Variants in CNIH3 observed in about 807,000 individuals in gnomAD.
CNIH3 encodes the protein cornichon family AMPA receptor auxiliary protein 3.
In CNIH3, 14 loss-of-function variants were observed where a neutral mutation model predicts 24.1. The ratio of observed to expected loss-of-function variants is 0.58; its 90% CI spans 0.38 to 0.91. The LOEUF is 0.91. CNIH3 is among the 40% of genes least tolerant of loss of function. The pLI is 0.00. For synonymous variants in CNIH3, 68 were observed against 73.8 expected, an observed-to-expected ratio of 0.92 and a Z score of 0.40; for missense variants, 178 against 196.8, an observed-to-expected ratio of 0.90 and a Z score of 0.57.
In CNIH3 at chr1:224,700,828, C is replaced by T. The variant is rs116611196; in HGVS notation, c.198+15985C>T. Among the ~76,000 whole-genome samples the T allele has an allele frequency of 1.8e-3, 280 of 152,270 alleles. 1 individual carries two copies. The highest frequency in any genetic ancestry group is 6.2e-3 in the African/African-American group (259 of 41,540). Reference sequence around the variant, plus strand: ...CATGTTGGACAGGGCATGGGTCATTCGTCATTCTAATTAGCTCCAGTGCCT... The same window carrying T: ...CATGTTGGACAGGGCATGGGTCATTTGTCATTCTAATTAGCTCCAGTGCCT... On this transcript the variant is annotated intron_variant, in intron 3 of 5. Transcript: ENST00000272133.
chr1:224,650,828 C>A (rs1337395144), intron 1 of CNIH3, among the ~76,000 whole-genome samples: 1 of 152,060 alleles, frequency 6.6e-6, no homozygotes, highest in East Asian at 1.9e-4. Flanking sequence ...TCTGGTGGAG[C>A]CCCCTGTTGT....
At chr1:224,496,725 T>C (rs1392033458) in intron 1 of CNIH3, among the ~76,000 whole-genome samples, 1 of 152,204 alleles carries the variant, frequency 6.6e-6, no homozygotes, top group Non-Finnish European at 1.5e-5. Flanking sequence ...GGTACAATAC[T>C]ACAGGTGGCA....
At chr1:224,702,740 G>A (rs1044116478) in intron 3 of CNIH3, among the ~76,000 whole-genome samples, 6 of 152,210 alleles carry the variant, frequency 3.9e-5, no homozygotes, top group African/African-American at 1.4e-4. Context: ...AGACCGTGGT[G>A]TTTTCAAAAG....
intron 1 of CNIH3, among the ~76,000 whole-genome samples, chr1:224,465,078 G>A (rs1473417252): frequency 6.6e-6 from 1 of 151,798 alleles, no homozygotes; most frequent in African/African-American, 2.4e-5. Context: ...AGAGATGTAA[G>A]CTGAGGCACC....
intron 2 of CNIH3, among the ~76,000 whole-genome samples, chr1:224,681,602 T>A (rs1686408878): frequency 6.6e-6 from 1 of 152,196 alleles, no homozygotes; most frequent in Admixed American, 6.5e-5. Flanking sequence ...GCATGCGTGG[T>A]GCCTGGCATC....
chr1:224,605,660 A>G (rs1001579563), intron 3 of CNIH3, among the ~76,000 whole-genome samples: 9 of 151,976 alleles, frequency 5.9e-5, no homozygotes, highest in African/African-American at 2.2e-4. Context: ...AGGTTTTTGC[A>G]TTTCTGACAA....
chr1:224,555,635 T>G (rs1680103433), intron 3 of CNIH3, among the ~76,000 whole-genome samples: 1 of 152,238 alleles, frequency 6.6e-6, no homozygotes, highest in South Asian at 2.1e-4. Context: ...AACCTACAGA[T>G]TGTTTACAAA....
intron 3 of CNIH3, among the ~76,000 whole-genome samples, chr1:224,559,982 T>C (rs191065065): frequency 5.6e-4 from 85 of 152,346 alleles, no homozygotes; most frequent in East Asian, 1.2e-3. Flanking sequence ...TTTTGAACTT[T>C]ATATATTTAT....
intron 4 of CNIH3, among the ~76,000 whole-genome samples, chr1:224,580,808 A>C (rs1407066666): frequency 6.6e-6 from 1 of 151,702 alleles, no homozygotes; most frequent in African/African-American, 2.4e-5. Context: ...TCTGTCTCAA[A>C]AAAAAAAAAG....
chr1:224,440,818 GTT>G (rs1207663279), intron 1 of CNIH3, among the ~76,000 whole-genome samples: 4 of 142,690 alleles, frequency 2.8e-5, no homozygotes, highest in South Asian at 2.2e-4. Context: ...ACAGTATTAA[GTT>G]TTTTTTTTTT....
chr1:224,667,571 A>G (rs1685654260), intron 1 of CNIH3, among the ~76,000 whole-genome samples: 1 of 152,212 alleles, frequency 6.6e-6, no homozygotes, highest in Non-Finnish European at 1.5e-5. Flanking sequence ...GAGTTGCTCC[A>G]ACTCATCTCT....
At chr1:224,724,573 A>G (rs1443733734) in intron 3 of CNIH3, among the ~76,000 whole-genome samples, 1 of 152,184 alleles carries the variant, frequency 6.6e-6, no homozygotes, top group Non-Finnish European at 1.5e-5. Flanking sequence ...CCAGTTTAGT[A>G]TGGGCTGAGG....
At chr1:224,461,732 C>T (rs1675919679) in intron 1 of CNIH3, among the ~76,000 whole-genome samples, 1 of 152,192 alleles carries the variant, frequency 6.6e-6, no homozygotes, top group South Asian at 2.1e-4. Flanking sequence ...CAACAACCAG[C>T]ACCACAATCT....
intron 1 of CNIH3, among the ~76,000 whole-genome samples, chr1:224,672,143 A>G (rs1452052195): frequency 6.6e-6 from 1 of 152,166 alleles, no homozygotes; most frequent in African/African-American, 2.4e-5. Context: ...TGGGGACAAG[A>G]CAGAGGAAGT....
intron 1 of CNIH3, among the ~76,000 whole-genome samples, chr1:224,628,232 C>G (rs1483744547): frequency 6.6e-6 from 1 of 152,146 alleles, no homozygotes; most frequent in Non-Finnish European, 1.5e-5. Flanking sequence ...GCAGTTTCTA[C>G]TTGGGGCTCA....
intron 1 of CNIH3, among the ~76,000 whole-genome samples, chr1:224,473,663 A>G (rs1227955399): frequency 6.6e-6 from 1 of 152,228 alleles, no homozygotes; most frequent in Non-Finnish European, 1.5e-5. Context: ...AAATATTACT[A>G]GAGCTAAAGA....
intron 3 of CNIH3, among the ~76,000 whole-genome samples, chr1:224,728,298 G>A (rs1050023858): frequency 3.9e-5 from 6 of 152,204 alleles, no homozygotes; most frequent in African/African-American, 1.4e-4. Context: ...TCTTTGAATG[G>A]GAGGGGGTAG....
intron 2 of CNIH3, among the ~76,000 whole-genome samples, chr1:224,544,349 A>G (rs1679623287): frequency 6.6e-6 from 1 of 152,160 alleles, no homozygotes; most frequent in Non-Finnish European, 1.5e-5. Context: ...ACAGCATCCC[A>G]TGGACTACCA....
chr1:224,495,749 A>G (rs1308161007), intron 1 of CNIH3, among the ~76,000 whole-genome samples: 1 of 152,000 alleles, frequency 6.6e-6, no homozygotes, highest in Non-Finnish European at 1.5e-5. Flanking sequence ...TGGCTGGAGG[A>G]GGGGGTCGGG....
Sources: gnomAD v4.1 joint callset for allele counts (sites outside exome capture counted in the v4.1 genomes callset) on GRCh38, gnomAD v4.1.1 for gene constraint, MANE v1.5 for transcripts, NCBI Gene and HGNC (gene_info 2026-07-23, HGNC 2026-07-21) for gene names.